PTPRM: variants seen among roughly 807,000 people sequenced by gnomAD.
PTPRM encodes the protein receptor-type tyrosine-protein phosphatase mu.
In PTPRM, 47 loss-of-function variants were observed where a neutral mutation model predicts 186.7. The ratio of observed to expected loss-of-function variants is 0.25; its 90% CI spans 0.20 to 0.32. PTPRM has a LOEUF of 0.32. Ranked by LOEUF, PTPRM falls within the 10% of genes least tolerant of loss-of-function variation. The pLI, the probability that PTPRM is intolerant of heterozygous loss-of-function variation, is 1.00. For missense variants in PTPRM, 1,494 were observed against 1,865.0 expected (o/e 0.80, Z 3.66); for synonymous variants, 668 against 674.9 (o/e 0.99, Z 0.16).
chr18:8,075,944 C>A (rs1448719000), intron 8 of PTPRM, among the ~76,000 whole-genome samples: 4 of 152,034 alleles, frequency 2.6e-5, no homozygotes, highest in Non-Finnish European at 5.9e-5. Context: ...TGACTTGTTT[C>A]TCATTTATTA....
intron 1 of PTPRM, among the ~76,000 whole-genome samples, chr18:7,694,796 A>G (rs1361225064): frequency 6.6e-6 from 1 of 152,196 alleles, no homozygotes; most frequent in Non-Finnish European, 1.5e-5. Flanking sequence ...GAATGTATTC[A>G]TGAAACATTT....
chr18:8,094,502 G>A (rs2090918856), intron 11 of PTPRM, among the ~76,000 whole-genome samples: 1 of 152,176 alleles, frequency 6.6e-6, no homozygotes, highest in Non-Finnish European at 1.5e-5. Context: ...GGAGGCCAAG[G>A]TTGGAGGATT....
At chr18:7,664,837 C>T (rs773145302) in intron 1 of PTPRM, among the ~76,000 whole-genome samples, 3 of 151,930 alleles carry the variant, frequency 2.0e-5, no homozygotes, top group Non-Finnish European at 4.4e-5. Context: ...TATCTGCCAC[C>T]GTAAGATGGT....
chr18:7,808,623 T>A (rs2044354914), intron 2 of PTPRM, among the ~76,000 whole-genome samples: 1 of 152,218 alleles, frequency 6.6e-6, no homozygotes, highest in African/African-American at 2.4e-5. Flanking sequence ...GATTTTTTTC[T>A]GTTGTGCTCA....
At chr18:7,832,382 A>G (rs1171072642) in intron 2 of PTPRM, among the ~76,000 whole-genome samples, 1 of 152,182 alleles carries the variant, frequency 6.6e-6, no homozygotes, top group Non-Finnish European at 1.5e-5. Context: ...GACCAGTGAT[A>G]TTGAACACCT....
intron 1 of PTPRM, among the ~76,000 whole-genome samples, chr18:7,580,223 A>C (rs1437185892): frequency 6.6e-6 from 1 of 152,188 alleles, no homozygotes; most frequent in Non-Finnish European, 1.5e-5. Flanking sequence ...AAAGAGAATG[A>C]GACTTGGATC....
chr18:8,344,297 C>G (rs2095491541), intron 23 of PTPRM, among the ~76,000 whole-genome samples: 2 of 151,906 alleles, frequency 1.3e-5, no homozygotes, highest in East Asian at 1.9e-4. Context: ...GGGTTTGTCT[C>G]TTAAGATTCT....
At chr18:8,006,671 T>C (rs1164909873) in intron 7 of PTPRM, among the ~76,000 whole-genome samples, 2 of 152,144 alleles carry the variant, frequency 1.3e-5, no homozygotes, top group East Asian at 3.8e-4. Flanking sequence ...AGATTCAGGA[T>C]TTTAGAACTG....
intron 13 of PTPRM, among the ~76,000 whole-genome samples, chr18:8,143,085 A>C (rs1383997776): frequency 6.6e-6 from 1 of 152,194 alleles, no homozygotes; most frequent in Non-Finnish European, 1.5e-5. Flanking sequence ...TCTTTTGCCT[A>C]CCAGATGTGA....
Position 8,376,550 on chromosome 18 carries a change from T to C in PTPRM, c.3415T>C (p.Cys1139Arg). 6.2e-7 allele frequency: 1 copy of C among 1,613,942 alleles called. No homozygotes were observed. Among genetic ancestry groups the C allele is most frequent in the Non-Finnish European group, 8.5e-7 (1 of 1,180,000 alleles). ...EREGVVDIYN[C>R]VRELRSRRVN... ...GGAAGGGGTCGTAGACATCTACAAC[T>C]GCGTCAGGGAGCTGCGGTCACGGAG... is the stretch of plus-strand genomic sequence containing the variant. Residue 1139 changes from cysteine to arginine, a missense_variant, in exon 26 of 33, where the codon TGC becomes CGC. Transcript: ENST00000580170.
chr18:7,619,003 G>C (rs1266657885), intron 1 of PTPRM, among the ~76,000 whole-genome samples: 1 of 152,050 alleles, frequency 6.6e-6, no homozygotes, highest in Non-Finnish European at 1.5e-5. Context: ...AACAGTCCCC[G>C]GGCTCTCGGA....
intron 32 of PTPRM, 61 bp from the exon 33 acceptor site, chr18:8,406,048 G>C: frequency 6.9e-7 from 1 of 1,455,294 alleles, no homozygotes; most frequent in South Asian, 1.1e-5. Flanking sequence ...TATGGTAATT[G>C]CTTTACTAGG....
At chr18:7,864,779 C>G (rs145910761) in intron 2 of PTPRM, among the ~76,000 whole-genome samples, 42 of 152,034 alleles carry the variant, frequency 2.8e-4, no homozygotes, top group African/African-American at 9.4e-4. Flanking sequence ...TCTATAAATT[C>G]CTTTGGGCAG....
chr18:7,751,798 C>T (rs918236140), intron 1 of PTPRM, among the ~76,000 whole-genome samples: 21 of 152,194 alleles, frequency 1.4e-4, no homozygotes, highest in African/African-American at 5.1e-4. Context: ...TCAACCTAGT[C>T]AGTTCACTCT....
intron 1 of PTPRM, among the ~76,000 whole-genome samples, chr18:7,769,586 G>A (rs932947432): frequency 5.9e-5 from 9 of 152,046 alleles, no homozygotes; most frequent in African/African-American, 1.7e-4. Flanking sequence ...TTTGGTGGTG[G>A]GTGGGTGGAG....
At chr18:7,784,833 G>A (rs2043021947) in intron 2 of PTPRM, among the ~76,000 whole-genome samples, 1 of 152,222 alleles carries the variant, frequency 6.6e-6, no homozygotes, top group Non-Finnish European at 1.5e-5. Context: ...TCCAGGCCAT[G>A]TAGAAGTGGT....
chr18:8,087,826 C>G (rs955594552), intron 10 of PTPRM, among the ~76,000 whole-genome samples: 4 of 152,170 alleles, frequency 2.6e-5, no homozygotes, highest in African/African-American at 9.7e-5. Flanking sequence ...AAAACGACCT[C>G]TAGCTTTCTC....
At chr18:8,372,253 T>C (rs2095667851) in intron 24 of PTPRM, among the ~76,000 whole-genome samples, 1 of 146,196 alleles carries the variant, frequency 6.8e-6, no homozygotes, top group African/African-American at 2.5e-5. Flanking sequence ...TTGTATTTTT[T>C]TTAGTAGAGA....
intron 13 of PTPRM, among the ~76,000 whole-genome samples, chr18:8,136,230 G>T (rs1204881895): frequency 6.6e-6 from 1 of 152,148 alleles, no homozygotes; most frequent in Non-Finnish European, 1.5e-5. Context: ...TGTGAAAGTT[G>T]CACACAGTTG....
Sources: allele counts gnomAD v4.1 joint callset (sites outside exome capture counted in the v4.1 genomes callset), GRCh38; gene constraint gnomAD v4.1.1; transcripts MANE v1.5; gene names NCBI Gene and HGNC (gene_info 2026-07-23, HGNC 2026-07-21).